Variants in METTL16 observed in about 807,000 individuals in gnomAD.
METTL16 encodes the protein methyltransferase 16, RNA N6-adenosine.
METTL16 carries 19 observed loss-of-function variants against 57.9 expected under a neutral mutation model. The observed-to-expected ratio is 0.33, with a 90% CI of 0.23 to 0.48. METTL16 has a LOEUF of 0.48. Among genes scored for constraint, METTL16 ranks in the 20% least tolerant of loss-of-function variants. The probability of loss-of-function intolerance (pLI) is 0.99; values close to 1 mark genes in which losing one functional copy is unlikely to be tolerated. For synonymous variants in METTL16, 246 were observed against 255.6 expected (o/e 0.96, Z 0.36); for missense variants, 434 against 691.5 (o/e 0.63, Z 4.18).
intron 2 of METTL16, among the ~76,000 whole-genome samples, chr17:2,491,253 T>C (rs557754363): frequency 1.3e-5 from 2 of 152,328 alleles, no homozygotes; most frequent in South Asian, 4.1e-4. Context: ...TCTTTGTTGT[T>C]TGTTTAACAC....
At chr17:2,507,924 G>A (rs2151582700) in intron 1 of METTL16, among the ~76,000 whole-genome samples, 1 of 152,276 alleles carries the variant, frequency 6.6e-6, no homozygotes, top group South Asian at 2.1e-4. Flanking sequence ...GATGCTTGAA[G>A]GCAGCATGCT....
rs192227334 is a variant in METTL16, at chr17:2,473,706, G to A, written c.329-42C>T. ...ACAAAACACATTCTACACACCAGAG[G>A]GAAAGGTTACAATAATCATGAAAAC... On this transcript the variant is annotated intron_variant, in intron 3 of 9. Coordinates refer to ENST00000263092, the MANE Select transcript of METTL16 (RefSeq NM_024086.4). 1.5e-4 allele frequency: 244 copies of A among 1,585,254 alleles called. 4 individuals carry two copies. In the Admixed American group the frequency reaches 2.5e-3, roughly 16 times the overall value.
chr17:2,447,965 C>A (rs2067023361), intron 6 of METTL16, among the ~76,000 whole-genome samples: 1 of 113,514 alleles, frequency 8.8e-6, no homozygotes, highest in Non-Finnish European at 1.8e-5. Context: ...GATCAGCCCC[C>A]CGCCTGGCCA....
chr17:2,460,746 G>A (rs900473259), intron 6 of METTL16, among the ~76,000 whole-genome samples: 2 of 152,134 alleles, frequency 1.3e-5, no homozygotes, highest in African/African-American at 4.8e-5. Context: ...TTAGCTTGGT[G>A]TGGTGGCACA....
Position 2,500,613 on chromosome 17 carries a change from T to TA in METTL16, c.128+1590dup, listed in dbSNP as rs2067480649. 2.6e-5 allele frequency among the ~76,000 whole-genome samples: 4 copies of TA among 152,198 alleles called. No homozygotes were observed. In the South Asian group the frequency reaches 8.3e-4, roughly 32 times the overall value. ...ATTCTTTCCCTTCCTTTTTCTCCTC[T>TA]AATCCTGCTCCTCTTCCTTCCCATA... On this transcript the variant is annotated intron_variant, in intron 2 of 9. Transcript: ENST00000263092.
At chr17:2,443,236 A>G (rs776993244) in intron 6 of METTL16, among the ~76,000 whole-genome samples, 2 of 152,148 alleles carry the variant, frequency 1.3e-5, no homozygotes, top group Non-Finnish European at 2.9e-5. Flanking sequence ...AGCCTCTCTA[A>G]GTGCTGGAAT....
chr17:2,479,169 T>C (rs2151570020), intron 2 of METTL16, among the ~76,000 whole-genome samples: 1 of 152,010 alleles, frequency 6.6e-6, no homozygotes, highest in Middle Eastern at 3.4e-3. Flanking sequence ...TGGGTTTTGT[T>C]TTGTTTTGTT....
chr17:2,420,451 A>G lies in METTL16; in HGVS notation c.1208T>C (p.Ile403Thr). 6.2e-7 allele frequency: 1 copy of G among 1,614,136 alleles called. No homozygotes were observed. The highest frequency in any genetic ancestry group is 8.5e-7 in the Non-Finnish European group (1 of 1,180,034). The change falls in exon 10 of 10, where the codon ATT becomes ACT. Residue 403 changes from isoleucine (I) to threonine (T), a missense_variant. This residue lies in a region of METTL16 where 168 missense variants were observed against 149.6 expected (regional missense o/e 1.12). Coordinates refer to ENST00000263092, the MANE Select transcript of METTL16 (RefSeq NM_024086.4). This position sits in a 1 kb window ranked among gnomAD's most constrained non-coding sequence, Gnocchi z 5.4. ...GGGCTTTTTCTCTTCCAAGGCCTGA[A>G]TGACGTCCTCAGGAGCTCGGGGAAC... ...REVPRAPEDV[I>T]QALEEKKPTP...
chr17:2,434,000 T>C (rs2066893316), intron 8 of METTL16, among the ~76,000 whole-genome samples: 1 of 152,194 alleles, frequency 6.6e-6, no homozygotes, highest in African/African-American at 2.4e-5. Flanking sequence ...CGTGTTTTTC[T>C]TTCCTATAAA....
intron 6 of METTL16, among the ~76,000 whole-genome samples, chr17:2,446,431 A>T (rs1400725810): frequency 6.6e-6 from 1 of 152,222 alleles, no homozygotes. Context: ...TCTAGGAAAA[A>T]CCTATTAGAA....
intron 4 of METTL16, among the ~76,000 whole-genome samples, chr17:2,470,612 C>G (rs529198796): frequency 6.6e-6 from 1 of 152,232 alleles, no homozygotes; most frequent in African/African-American, 2.4e-5. Flanking sequence ...AGTTCAAGAC[C>G]AGCCTGGGCA....
chr17:2,502,364 A>G (rs375591552), intron 1 of METTL16, 33 bp from the exon 2 acceptor site: 22 of 1,604,814 alleles, frequency 1.4e-5, no homozygotes, highest in East Asian at 4.5e-5. Flanking sequence ...GAAAATCAGC[A>G]TATTTATTAA....
intron 2 of METTL16, among the ~76,000 whole-genome samples, chr17:2,483,539 T>C (rs1265753394): frequency 6.6e-6 from 1 of 152,222 alleles, no homozygotes; most frequent in Non-Finnish European, 1.5e-5. Context: ...ATTGGATATG[T>C]ATTAATTTTG....
intron 4 of METTL16, among the ~76,000 whole-genome samples, chr17:2,472,529 G>A (rs553038677): frequency 1.3e-5 from 2 of 152,184 alleles, no homozygotes; most frequent in African/African-American, 2.4e-5. Context: ...GTCAAAATTC[G>A]AAAGCAATCA....
At chr17:2,486,563 A>G (rs899372340) in intron 2 of METTL16, among the ~76,000 whole-genome samples, 2 of 151,952 alleles carry the variant, frequency 1.3e-5, no homozygotes, top group East Asian at 1.9e-4. Context: ...GAGCCACTGC[A>G]CCCAGCTGAT....
chr17:2,486,419 GTA>G (rs2067341749), intron 2 of METTL16, among the ~76,000 whole-genome samples: 1 of 151,862 alleles, frequency 6.6e-6, no homozygotes, highest in African/African-American at 2.4e-5. Flanking sequence ...CTACAGGCAT[GTA>G]CCACCATGCC....
In METTL16 at chr17:2,418,405, A is replaced by G. The variant is rs901737469; in HGVS notation, c.*1565T>C. 3 of 152,234 alleles carry G rather than the reference A, an allele frequency of 2.0e-5. No individual in the cohort carries two copies. Among genetic ancestry groups the G allele is most frequent in the Non-Finnish European group, 4.4e-5 (3 of 68,080 alleles). The allele number at this position is 152,234 out of a possible 1,614,324, so 9.4% of individuals were successfully genotyped here. On this transcript the variant is annotated 3_prime_UTR_variant, in exon 10 of 10. Transcript: ENST00000263092. ...CATGAGTTCGAGATTAGCCTGGCCA[A>G]CATGGTGAAATCCCATCTCTACCAA...
chr17:2,495,869 G>A (rs879536421), intron 2 of METTL16, among the ~76,000 whole-genome samples: 6 of 151,578 alleles, frequency 4.0e-5, no homozygotes, highest in Non-Finnish European at 5.9e-5. Flanking sequence ...AGCACTTTGG[G>A]AGGCCGAGGC....
intron 5 of METTL16, among the ~76,000 whole-genome samples, chr17:2,466,208 A>G (rs2067194913): frequency 6.6e-6 from 1 of 151,838 alleles, no homozygotes; most frequent in South Asian, 2.1e-4. Context: ...AAAAAAAAAA[A>G]AAAAGCCACT....
Sources: allele counts gnomAD v4.1 joint callset (sites outside exome capture counted in the v4.1 genomes callset), GRCh38; gene constraint gnomAD v4.1.1; regional missense constraint gnomAD v4.1.1; non-coding constraint Gnocchi (gnomAD v3.1); transcripts MANE v1.5; gene names NCBI Gene and HGNC (gene_info 2026-07-23, HGNC 2026-07-21).